KCTD12: variants seen among roughly 807,000 people sequenced by gnomAD.
KCTD12 encodes the protein BTB/POZ domain-containing protein KCTD12.
A neutral mutation model predicts 22.6 loss-of-function variants in KCTD12; 16 were observed. That is an observed-to-expected ratio of 0.71 (90% CI 0.48 to 1.07). KCTD12 has a LOEUF of 1.07. KCTD12 is among the 50% of genes least tolerant of loss of function. The pLI is 0.00. For synonymous variants in KCTD12, 260 were observed against 228.0 expected, an observed-to-expected ratio of 1.14 and a Z score of -1.26; for missense variants, 452 against 469.2, an observed-to-expected ratio of 0.96 and a Z score of 0.34.
Position 76,885,246 on chromosome 13 carries a change from G to A in KCTD12, c.903C>T (p.Ala301=). 2 of 1,614,094 alleles carry A rather than the reference G, an allele frequency of 1.2e-6. No homozygotes were observed. Among genetic ancestry groups the A allele is most frequent in the Non-Finnish European group, 1.7e-6 (2 of 1,180,028 alleles). ...CGCTCTGGTCGGTGCTGCTGGCAAA[G>A]GCGCAGGTGCCCGTGGAGCTGCACG... ...MVACSSTGTC[A]FASSTDQSED... Residue 301 remains alanine (A), a synonymous_variant, in exon 1 of 1, where the codon GCC becomes GCT. Transcript: ENST00000377474. This position sits in a 1 kb window ranked among gnomAD's most constrained non-coding sequence, Gnocchi z 5.1.
rs907842949 is a variant in KCTD12, at chr13:76,881,962, G to C, written c.*3209C>G. The C allele has an allele frequency of 6.6e-6, 1 of 151,912 alleles. No individual in the cohort carries two copies. The highest frequency in any genetic ancestry group is 2.4e-5 in the African/African-American group (1 of 41,332). 9.4% of individuals were successfully genotyped at this position (151,912 alleles called of 1,614,324 possible). A position where few individuals can be genotyped will look rare whatever the true frequency, so the allele number is the denominator to read the frequency against. On this transcript the variant is annotated 3_prime_UTR_variant, in exon 1 of 1. Coordinates refer to ENST00000377474, the MANE Select transcript of KCTD12 (RefSeq NM_138444.4). ...GGTAATTAGGGCAACATATGTAAAT[G>C]CATGCCTCTGAATCAGATTCATGCA...
chr13:76,885,998 T>C lies in KCTD12; in HGVS notation c.151A>G (p.Thr51Ala). ...AGCGAGTCGGGCACCGACACCACCG[T>C]GCAGCGCCGGGTCACGTACACCTGG... Reference protein sequence around the residue: ...GGQVYVTRRCTVVSVPDSLLW... With the variant: ...GGQVYVTRRCAVVSVPDSLLW... Residue 51 changes from threonine (T) to alanine (A), a missense_variant, in exon 1 of 1, where the codon ACG (threonine) becomes GCG (alanine). Thr to Ala is a moderately conservative substitution (Grantham distance 58). Transcript: ENST00000377474. The surrounding 1 kb of genome is among the most constrained non-coding windows in gnomAD (Gnocchi z 5.1). The C allele has an allele frequency of 6.3e-7, 1 of 1,590,958 alleles. No individual in the cohort carries two copies. The highest frequency in any genetic ancestry group is 8.5e-7 in the Non-Finnish European group (1 of 1,174,196).
At position 76,885,563 on chromosome 13, in the gene KCTD12, T is replaced by G. The variant is rs1183823276; in HGVS notation, c.586A>C (p.Thr196Pro). 2 of 1,548,138 alleles carry G rather than the reference T, an allele frequency of 1.3e-6. No individual in the cohort carries two copies. The highest frequency in any genetic ancestry group is 4.8e-5 in the East Asian group (2 of 41,488). ...CTGCCGTCCAGCGACTGGGACGGCG[T>G]GAGCAGCGGGCCCGCCGCGCCCCCG... is the stretch of plus-strand genomic sequence containing the variant. Reference protein sequence around the residue: ...PSGGAAGPLLTPSQSLDGSRR... With the variant: ...PSGGAAGPLLPPSQSLDGSRR... Residue 196 changes from threonine (T) to proline (P), a missense_variant, in exon 1 of 1, where the codon ACG (threonine) becomes CCG (proline). By Grantham distance (38) the Thr-to-Pro change is conservative. Around this residue, in one of 2 missense-constraint regions of KCTD12, gnomAD observed 330 missense variants for 296.5 expected, o/e 1.11. Transcript: ENST00000377474. This position sits in a 1 kb window ranked among gnomAD's most constrained non-coding sequence, Gnocchi z 5.1.
In KCTD12 at chr13:76,880,401, A is replaced by G. The variant is rs2033190103; in HGVS notation, c.*4770T>C. 1.3e-5 allele frequency: 2 copies of G among 152,504 alleles called. No individual in the cohort carries two copies. Among genetic ancestry groups the G allele is most frequent in the African/African-American group, 4.8e-5 (2 of 41,590 alleles). 9.4% of individuals were successfully genotyped at this position (152,504 alleles called of 1,614,324 possible). A position where few individuals can be genotyped will look rare whatever the true frequency, so the allele number is the denominator to read the frequency against. On this transcript the variant is annotated 3_prime_UTR_variant, in exon 1 of 1. Coordinates refer to ENST00000377474, the MANE Select transcript of KCTD12 (RefSeq NM_138444.4). ...GACTTTGACTGCATCTTTTTTCAAT[A>G]TAAAGGGATTTTTTTCTTACATTTC...
At position 76,883,949 on chromosome 13, in the gene KCTD12, C is replaced by G. The variant is rs989352569; in HGVS notation, c.*1222G>C. ...AGATTATATATAAGCATTAACAACT[C>G]TAAGTTTAGGACTCAAAACAGTAAG... On this transcript the variant is annotated 3_prime_UTR_variant, in exon 1 of 1. Coordinates refer to ENST00000377474, the MANE Select transcript of KCTD12 (RefSeq NM_138444.4). 1.3e-5 allele frequency: 2 copies of G among 152,614 alleles called. No homozygotes were observed. The highest frequency in any genetic ancestry group is 2.4e-5 in the African/African-American group (1 of 41,438). The allele number at this position is 152,614 out of a possible 1,614,324, so 9.5% of individuals were successfully genotyped here.
Position 76,886,207 on chromosome 13 carries a change from C to T in KCTD12, c.-59G>A. 1 of 1,390,206 alleles carries T rather than the reference C, an allele frequency of 7.2e-7. No homozygotes were observed. 86.1% of individuals were successfully genotyped at this position (1,390,206 alleles called of 1,614,324 possible). On this transcript the variant is annotated 5_prime_UTR_variant, in exon 1 of 1. Coordinates refer to ENST00000377474, the MANE Select transcript of KCTD12 (RefSeq NM_138444.4). ...GAAGCCGCGCTGCACTCAGGAGCTG[C>T]AACCGCCTTCCCCGGAGCCCCGGAA... is the stretch of plus-strand genomic sequence containing the variant.
rs764641666 is a variant in KCTD12 at position 76,885,993 on chromosome 13, C to T, written c.156G>A (p.Val52=). The T allele has an allele frequency of 5.1e-5, 81 of 1,590,522 alleles. 1 individual carries two copies. In the South Asian group the frequency reaches 8.6e-4, roughly 17 times the overall value. The part of the protein sequence containing the change: ...GQVYVTRRCT[V]VSVPDSLLWR... ...AGAGCAGCGAGTCGGGCACCGACAC[C>T]ACCGTGCAGCGCCGGGTCACGTACA... is the stretch of plus-strand genomic sequence containing the variant. The change falls in exon 1 of 1, where the codon GTG becomes GTA. Residue 52 remains valine (V), a synonymous_variant. Coordinates refer to ENST00000377474, the MANE Select transcript of KCTD12 (RefSeq NM_138444.4). The surrounding 1 kb of genome is among the most constrained non-coding windows in gnomAD (Gnocchi z 5.1).
In KCTD12 at chr13:76,885,939, C is replaced by G. The variant is rs755978133; in HGVS notation, c.210G>C (p.Gln70His). ...LWRMFTQQQP[Q>H]ELARDSKGRF... is the part of the protein sequence containing the mutation. ...GGCCTTTGCTGTCCCGGGCCAGCTC[C>G]TGCGGCTGCTGCTGCGTGAACATGC... Residue 70 changes from glutamine to histidine, a missense_variant, in exon 1 of 1, where the codon CAG becomes CAC. By Grantham distance (24) the Gln-to-His change is conservative. Transcript: ENST00000377474. The surrounding 1 kb of genome is among the most constrained non-coding windows in gnomAD (Gnocchi z 5.1). 2 of 1,591,470 alleles carry G rather than the reference C, an allele frequency of 1.3e-6. No individual in the cohort carries two copies. The highest frequency in any genetic ancestry group is 1.7e-4 in the Middle Eastern group (1 of 6,050).
Position 76,885,115 on chromosome 13 carries a change from C to G in KCTD12, c.*56G>C. On this transcript the variant is annotated 3_prime_UTR_variant, in exon 1 of 1. Coordinates refer to ENST00000377474, the MANE Select transcript of KCTD12 (RefSeq NM_138444.4). The surrounding 1 kb of genome is among the most constrained non-coding windows in gnomAD (Gnocchi z 5.1). ...AAGGTGGGACAAGAGGCTCTGTAAT[C>G]ATCTCTCGGGCAGGAGAAGGACTGG... The G allele has an allele frequency of 6.4e-7, 1 of 1,568,156 alleles. No homozygotes were observed. The highest frequency in any genetic ancestry group is 1.2e-5 in the South Asian group (1 of 83,764).
rs2033244260 is a variant in KCTD12 at position 76,884,896 on chromosome 13, A to ACCATCTGG, written c.*274_*275insCCAGATGG. ...GGAGGGGTGGTTTGAGGCAGGGAGT[A>ACCATCTGG]GAGAAAGCATGGAGTGGTAGGTGGG... On this transcript the variant is annotated 3_prime_UTR_variant, in exon 1 of 1. Coordinates refer to ENST00000377474, the MANE Select transcript of KCTD12 (RefSeq NM_138444.4). 5 of 400,462 alleles carry ACCATCTGG rather than the reference A, an allele frequency of 1.2e-5. No individual in the cohort carries two copies. The highest frequency in any genetic ancestry group is 2.3e-5 in the Non-Finnish European group (5 of 221,282). The allele number at this position is 400,462 out of a possible 1,614,324, so 24.8% of individuals were successfully genotyped here. A position where few individuals can be genotyped will look rare whatever the true frequency, so the allele number is the denominator to read the frequency against.
rs1219841931 is a variant in KCTD12, at chr13:76,885,806, G to A, written c.343C>T (p.Arg115Cys). The change falls in exon 1 of 1, where the codon CGC becomes TGC. Residue 115 changes from arginine to cysteine, a missense_variant. Physicochemically the swap from Arg to Cys is radical, Grantham distance 180. Coordinates refer to ENST00000377474, the MANE Select transcript of KCTD12 (RefSeq NM_138444.4). This position sits in a 1 kb window ranked among gnomAD's most constrained non-coding sequence, Gnocchi z 5.1. ...GGCAGCTCGAAGTACTCGGCCTCGC[G>A]CTGCAGCCGGCTGCGCTCGGGGAAG... ...DYFPERSRLQ[R>C]EAEYFELPEL... The A allele has an allele frequency of 8.2e-6, 13 of 1,592,424 alleles. No homozygotes were observed. Among genetic ancestry groups the A allele is most frequent in the Non-Finnish European group, 1.1e-5 (13 of 1,177,660 alleles).
chr13:76,886,098 CCCGCCG>C lies in KCTD12; in HGVS notation c.45_50del (p.Gly18_Gly19del), dbSNP rs770610501. The C allele has an allele frequency of 1.9e-6, 3 of 1,543,562 alleles. No individual in the cohort carries two copies. Among genetic ancestry groups the C allele is most frequent in the East Asian group, 4.9e-5 (2 of 40,696 alleles). On this transcript the variant is annotated inframe_deletion, in exon 1 of 1. Coordinates refer to ENST00000377474, the MANE Select transcript of KCTD12 (RefSeq NM_138444.4). Reference sequence around the variant, plus strand: ...AGGACGACGAGGAGCCACTGCCGCCCCCGCCGCCGCCCCCGTTGGGTAATCCACGTG... The same window carrying C: ...AGGACGACGAGGAGCCACTGCCGCCCCCGCCCCCGTTGGGTAATCCACGTG...
In KCTD12 at chr13:76,881,701, T is replaced by A. The variant is rs900655981; in HGVS notation, c.*3470A>T. 6 of 81,284 alleles carry A rather than the reference T, an allele frequency of 7.4e-5. No homozygotes were observed. Among genetic ancestry groups the A allele is most frequent in the Admixed American group, 2.5e-4 (2 of 8,004 alleles). The allele number at this position is 81,284 out of a possible 1,614,324, so 5.0% of individuals were successfully genotyped here. On this transcript the variant is annotated 3_prime_UTR_variant, in exon 1 of 1. Coordinates refer to ENST00000377474, the MANE Select transcript of KCTD12 (RefSeq NM_138444.4). ...ACATAACAACATTGAAAGGGAAAAATTTTTAAATCTCACATCTTCAAGGAA... is the reference window on the plus strand; with the variant it reads ...ACATAACAACATTGAAAGGGAAAAAATTTTAAATCTCACATCTTCAAGGAA...
rs2033230356 is a variant in KCTD12 at position 76,883,871 on chromosome 13, A to G, written c.*1300T>C. The stretch of plus-strand genomic sequence containing the variant: ...GATTCCAAAATCAGGATTTATAATC[A>G]ACAAGAAAATAAAAGTTCAAAAACT... On this transcript the variant is annotated 3_prime_UTR_variant, in exon 1 of 1. Transcript: ENST00000377474. 1 of 152,668 alleles carries G rather than the reference A, an allele frequency of 6.6e-6. No homozygotes were observed. Among genetic ancestry groups the G allele is most frequent in the Non-Finnish European group, 1.5e-5 (1 of 68,036 alleles). The allele number at this position is 152,668 out of a possible 1,614,324, so 9.5% of individuals were successfully genotyped here. A position where few individuals can be genotyped will look rare whatever the true frequency, so the allele number is the denominator to read the frequency against.
rs1371678854 is a variant in KCTD12 at position 76,882,945 on chromosome 13, T to C, written c.*2226A>G. The C allele has an allele frequency of 2.6e-5, 4 of 152,218 alleles. No individual in the cohort carries two copies. The East Asian group carries it at 7.7e-4, about 29-fold the overall frequency. 9.4% of individuals were successfully genotyped at this position (152,218 alleles called of 1,614,324 possible). On this transcript the variant is annotated 3_prime_UTR_variant, in exon 1 of 1. Transcript: ENST00000377474. ...GGTACCTTGACTTTAAGTAGACAGT[T>C]AATCAACATATGATTAGTAATACAA...
In KCTD12 at chr13:76,884,405, T is replaced by A. The variant is rs1422580252; in HGVS notation, c.*766A>T. ...GTCAACCAGTGGAATCAAGGGCTTC[T>A]GGCGAGCAGCAGCTGAAAAGGGCGC... On this transcript the variant is annotated 3_prime_UTR_variant, in exon 1 of 1. Coordinates refer to ENST00000377474, the MANE Select transcript of KCTD12 (RefSeq NM_138444.4). 1 of 152,246 alleles carries A rather than the reference T, an allele frequency of 6.6e-6. No homozygotes were observed. The highest frequency in any genetic ancestry group is 6.5e-5 in the Admixed American group (1 of 15,282). 9.4% of individuals were successfully genotyped at this position (152,246 alleles called of 1,614,324 possible).
chr13:76,885,433 CA>C lies in KCTD12; in HGVS notation c.715del (p.Cys239AlafsTer15). On this transcript the variant is annotated frameshift_variant, in exon 1 of 1. Coordinates refer to ENST00000377474, the MANE Select transcript of KCTD12 (RefSeq NM_138444.4). LOFTEE classifies it high-confidence loss of function. The surrounding 1 kb of genome is among the most constrained non-coding windows in gnomAD (Gnocchi z 5.1). ...KFRRVARITV[C>X]GKTSLAKEVF... ...CTCCTTGGCCAGCGACGTCTTTCCG[CA>C]AACGGTGATGCGCGCCACTCGCCGG... 6.2e-7 allele frequency: 1 copy of C among 1,612,708 alleles called. No individual in the cohort carries two copies. The highest frequency in any genetic ancestry group is 8.5e-7 in the Non-Finnish European group (1 of 1,180,028).
Position 76,884,862 on chromosome 13 carries a change from C to T in KCTD12, c.*309G>A, listed in dbSNP as rs574633897. ...CCCCCAATAGATCCAAACTGAAGTA[C>T]CATCTGGGGGAGGGGTGGTTTGAGG... On this transcript the variant is annotated 3_prime_UTR_variant, in exon 1 of 1. Coordinates refer to ENST00000377474, the MANE Select transcript of KCTD12 (RefSeq NM_138444.4). The T allele has an allele frequency of 2.8e-6, 1 of 354,028 alleles. No individual in the cohort carries two copies. Among genetic ancestry groups the T allele is most frequent in the South Asian group, 3.9e-5 (1 of 25,904 alleles). 21.9% of individuals were successfully genotyped at this position (354,028 alleles called of 1,614,324 possible). A position where few individuals can be genotyped will look rare whatever the true frequency, so the allele number is the denominator to read the frequency against.
rs1350440653 is a variant in KCTD12, at chr13:76,882,736, T to A, written c.*2435A>T. 6.7e-6 allele frequency: 1 copy of A among 148,512 alleles called. No homozygotes were observed. The highest frequency in any genetic ancestry group is 1.5e-5 in the Non-Finnish European group (1 of 67,892). 9.2% of individuals were successfully genotyped at this position (148,512 alleles called of 1,614,324 possible). A position where few individuals can be genotyped will look rare whatever the true frequency, so the allele number is the denominator to read the frequency against. ...CTTCAAACAGATGAATTCTGATGCA[T>A]TACTTAGTCTGAGACCAAACTCAAC... On this transcript the variant is annotated 3_prime_UTR_variant, in exon 1 of 1. Transcript: ENST00000377474.
Sources: allele counts gnomAD v4.1 joint callset, GRCh38; gene constraint gnomAD v4.1.1; regional missense constraint gnomAD v4.1.1; non-coding constraint Gnocchi (gnomAD v3.1); transcripts MANE v1.5; gene names NCBI Gene and HGNC (gene_info 2026-07-23, HGNC 2026-07-21).